The following LGI2 variants were observed in gnomAD, a reference collection of about 807,000 sequenced individuals.
LGI2 encodes the protein leucine rich repeat LGI family member 2, also known as leucine-rich repeat LGI family member 2.
In LGI2, 30 loss-of-function variants were observed where a neutral mutation model predicts 52.0. That is an observed-to-expected ratio of 0.58 (90% CI 0.43 to 0.78). LGI2 has a LOEUF of 0.78. Ranked by LOEUF, LGI2 falls within the 30% of genes least tolerant of loss-of-function variation. LGI2 has a pLI of 0.00. For missense variants in LGI2, 573 were observed against 692.5 expected, an observed-to-expected ratio of 0.83 and a Z score of 1.94; for synonymous variants, 270 against 271.8, an observed-to-expected ratio of 0.99 and a Z score of 0.06.
At position 25,003,349 on chromosome 4, in the gene LGI2, T is replaced by C. The variant is rs2232030; in HGVS notation, c.*102A>G. 0.14 allele frequency: 114,520 copies of C among 828,718 alleles called. 8,721 individuals are homozygous for C. The highest frequency in any genetic ancestry group is 0.21 in the East Asian group (7,678 of 37,060). The allele number at this position is 828,718 out of a possible 1,614,324, so 51.3% of individuals were successfully genotyped here. ...ATCTAACTATTTCAGTGCTTTTTAA[T>C]TTCAGAGCTCTGAGCCTGGCTTTGA... On this transcript the variant is annotated 3_prime_UTR_variant, in exon 8 of 8. Transcript: ENST00000382114.
intron 4 of LGI2, 103 bp downstream of exon 4, chr4:25,024,717 T>C (rs1726085341): frequency 1.4e-6 from 1 of 728,702 alleles, no homozygotes; most frequent in Admixed American, 2.8e-5. Context: ...ATCTAGAAAT[T>C]CATTTCCTTC....
chr4:25,013,962 T>C (rs1030617649), intron 6 of LGI2, among the ~76,000 whole-genome samples: 3 of 152,210 alleles, frequency 2.0e-5, no homozygotes, highest in African/African-American at 7.2e-5. Context: ...GTTTCTGTGT[T>C]CACATGTAGA....
chr4:25,026,936 C>T lies in LGI2; in HGVS notation c.273G>A (p.Leu91=). The change falls in exon 3 of 8, where the codon TTG becomes TTA. Residue 91 remains leucine (L), a synonymous_variant. Transcript: ENST00000382114. ...FSHLPSLQLL[L]LNSNSFTIIR... ...TGATCGTGAATGAGTTAGAATTCAGCAATCTGAAAGTAAGAGACAGATTCC... is the reference window on the plus strand; with the variant it reads ...TGATCGTGAATGAGTTAGAATTCAGTAATCTGAAAGTAAGAGACAGATTCC... 1.2e-6 allele frequency: 2 copies of T among 1,612,156 alleles called. No individual in the cohort carries two copies. Among genetic ancestry groups the T allele is most frequent in the Non-Finnish European group, 1.7e-6 (2 of 1,178,214 alleles).
chr4:25,024,897 A>C lies in LGI2; in HGVS notation c.342-6T>G, dbSNP rs1477784591. ...TTTTGTTCCCTTCAATGAACCTAAG[A>C]GGAAAAGTTGTATAATTAAAATGAA... On this transcript the variant is annotated splice_polypyrimidine_tract_variant and splice_region_variant and intron_variant, in intron 3 of 7. Transcript: ENST00000382114. 6 of 1,581,772 alleles carry C rather than the reference A, an allele frequency of 3.8e-6. No individual in the cohort carries two copies. The highest frequency in any genetic ancestry group is 5.1e-6 in the Non-Finnish European group (6 of 1,166,418).
intron 7 of LGI2, among the ~76,000 whole-genome samples, chr4:25,008,690 T>G (rs1725472724): frequency 6.6e-6 from 1 of 152,182 alleles, no homozygotes; most frequent in South Asian, 2.1e-4. Context: ...ATTAAATCAC[T>G]TGGCCGTGGC....
At chr4:25,011,510 C>T (rs533385929) in intron 7 of LGI2, among the ~76,000 whole-genome samples, 2 of 152,160 alleles carry the variant, frequency 1.3e-5, no homozygotes, top group South Asian at 4.2e-4. Context: ...TGCTGGGAAG[C>T]CACTTGGTGC....
chr4:25,026,982 G>A lies in LGI2; in HGVS notation c.270-43C>T, dbSNP rs779484823. 5 of 1,411,748 alleles carry A rather than the reference G, an allele frequency of 3.5e-6. No homozygotes were observed. The East Asian group carries it at 9.1e-5, about 26-fold the overall frequency. The allele number at this position is 1,411,748 out of a possible 1,614,324, so 87.5% of individuals were successfully genotyped here. The stretch of plus-strand genomic sequence containing the variant: ...ATTCCAATGGAGAGATGTAAAACTT[G>A]AGTCACATGGTAAAGCCATTTCTCT... On this transcript the variant is annotated intron_variant, in intron 2 of 7. Transcript: ENST00000382114.
At chr4:25,011,962 A>T (rs1248402215) in intron 7 of LGI2, among the ~76,000 whole-genome samples, 1 of 152,184 alleles carries the variant, frequency 6.6e-6, no homozygotes, top group East Asian at 1.9e-4. Context: ...TTGGTTAACA[A>T]TCAGCTTAAT....
chr4:25,030,341 G>A (rs1489187288), intron 1 of LGI2, among the ~76,000 whole-genome samples, 156 bp downstream of exon 1: 1 of 152,144 alleles, frequency 6.6e-6, no homozygotes, highest in African/African-American at 2.4e-5. Context: ...TCCTCCCCGG[G>A]GGCCAACACT....
rs1446886726 is a variant in LGI2, at chr4:25,002,550, A to G, written c.*901T>C. The G allele has an allele frequency of 6.6e-6, 1 of 152,556 alleles. No individual in the cohort carries two copies. The highest frequency in any genetic ancestry group is 1.5e-5 in the Non-Finnish European group (1 of 68,016). 9.5% of individuals were successfully genotyped at this position (152,556 alleles called of 1,614,324 possible). On this transcript the variant is annotated 3_prime_UTR_variant, in exon 8 of 8. Transcript: ENST00000382114. ...CATAAAATCTCACTTCAAAAATTCTACCGAATGCTCATCAGACGGAAATAA... is the reference window on the plus strand; with the variant it reads ...CATAAAATCTCACTTCAAAAATTCTGCCGAATGCTCATCAGACGGAAATAA...
In LGI2 at chr4:25,000,456, G is replaced by GA. The variant is rs1187345724; in HGVS notation, c.*2994dup. On this transcript the variant is annotated 3_prime_UTR_variant, in exon 8 of 8. Transcript: ENST00000382114. Reference sequence around the variant, plus strand: ...ATGAGGTGAGTACTAATGTGCATTGGAAAAATATAAAGCTTTGCTAAATGT... The same window carrying GA: ...ATGAGGTGAGTACTAATGTGCATTGGAAAAAATATAAAGCTTTGCTAAATGT... 3.9e-5 allele frequency: 6 copies of GA among 152,252 alleles called. No individual in the cohort carries two copies. The highest frequency in any genetic ancestry group is 6.5e-5 in the Admixed American group (1 of 15,282). 9.4% of individuals were successfully genotyped at this position (152,252 alleles called of 1,614,324 possible). A position where few individuals can be genotyped will look rare whatever the true frequency, so the allele number is the denominator to read the frequency against.
chr4:25,026,309 G>T (rs1726149464), intron 3 of LGI2, among the ~76,000 whole-genome samples: 2 of 151,746 alleles, frequency 1.3e-5, no homozygotes, highest in Non-Finnish European at 2.9e-5. Context: ...TCAGAACAAG[G>T]GCAAAGCTCA....
intron 4 of LGI2, among the ~76,000 whole-genome samples, chr4:25,023,617 C>T (rs1726047329): frequency 6.6e-6 from 1 of 152,156 alleles, no homozygotes; most frequent in South Asian, 2.1e-4. Context: ...CACACTGTAC[C>T]AGTCAGGGTT....
At chr4:25,012,647 G>A (rs904366893) in intron 6 of LGI2, 148 bp from the exon 7 acceptor site, 27 of 777,066 alleles carry the variant, frequency 3.5e-5, no homozygotes, top group African/African-American at 1.2e-4. Flanking sequence ...ACATCACAGC[G>A]TATTTTACTC....
chr4:25,019,271 A>T, intron 4 of LGI2, 33 bp from the exon 5 acceptor site: 1 of 1,391,276 alleles, frequency 7.2e-7, no homozygotes, highest in Non-Finnish European at 1.0e-6. Context: ...CAATGTGATT[A>T]TTATCTCATG....
chr4:24,992,158 C>G, the LGI2 span, among the ~76,000 whole-genome samples: 1 of 152,208 alleles, frequency 6.6e-6, no homozygotes, highest in Non-Finnish European at 1.5e-5. Context: ...ACAAAGCACA[C>G]ACAGGAAAGT....
At chr4:25,022,766 C>A (rs1271827427) in intron 4 of LGI2, among the ~76,000 whole-genome samples, 1 of 152,208 alleles carries the variant, frequency 6.6e-6, no homozygotes, top group Non-Finnish European at 1.5e-5. Context: ...CTTGTTCACA[C>A]CCTCCTGCTG....
At chr4:25,009,792 C>T (rs569573417) in intron 7 of LGI2, among the ~76,000 whole-genome samples, 30 of 152,064 alleles carry the variant, frequency 2.0e-4, no homozygotes, top group South Asian at 4.2e-4. Context: ...CATGCCACCA[C>T]GCCCAGCTAA....
downstream of LGI2, among the ~76,000 whole-genome samples, chr4:24,993,908 G>C (rs1724973353): frequency 6.6e-6 from 1 of 152,172 alleles, no homozygotes; most frequent in South Asian, 2.1e-4. Context: ...ATGGAAATGG[G>C]GGGTTGGAGT....
Sources: allele counts gnomAD v4.1 joint callset (sites outside exome capture counted in the v4.1 genomes callset), GRCh38; gene constraint gnomAD v4.1.1; transcripts MANE v1.5; gene names NCBI Gene and HGNC (gene_info 2026-07-23, HGNC 2026-07-21).